DOCK4: variants seen among roughly 807,000 people sequenced by gnomAD.
DOCK4 encodes the protein dedicator of cytokinesis 4.
In DOCK4, 97 loss-of-function variants were observed where a neutral mutation model predicts 268.1. The ratio of observed to expected loss-of-function variants is 0.36; its 90% CI spans 0.31 to 0.43. The LOEUF is 0.43. Ranked by LOEUF, DOCK4 falls within the 20% of genes least tolerant of loss-of-function variation. The pLI is 1.00. For missense variants in DOCK4, 2,145 were observed against 2,455.7 expected (o/e 0.87, Z 2.67); for synonymous variants, 954 against 887.2 (o/e 1.08, Z -1.34).
At chr7:111,876,364 G>A (rs768180971) in intron 17 of DOCK4, among the ~76,000 whole-genome samples, 3 of 152,050 alleles carry the variant, frequency 2.0e-5, no homozygotes, top group African/African-American at 7.2e-5. Flanking sequence ...AAGAAAGAAC[G>A]AATAACAAGC....
chr7:111,736,219 G>A (rs769267470), intron 50 of DOCK4, among the ~76,000 whole-genome samples: 12 of 152,096 alleles, frequency 7.9e-5, no homozygotes, highest in Non-Finnish European at 1.2e-4. Context: ...TTTCATTAAC[G>A]ACTCTTGATT....
At chr7:111,972,328 C>T (rs1387308972) in intron 8 of DOCK4, among the ~76,000 whole-genome samples, 1 of 151,508 alleles carries the variant, frequency 6.6e-6, no homozygotes, top group Non-Finnish European at 1.5e-5. Context: ...CTCTACTCTG[C>T]CTTTTGCCAC....
chr7:111,814,543 G>A (rs1234520381), intron 27 of DOCK4, among the ~76,000 whole-genome samples: 1 of 152,178 alleles, frequency 6.6e-6, no homozygotes, highest in Non-Finnish European at 1.5e-5. Context: ...TTAAAGTGCA[G>A]ATGATCCAGC....
intron 1 of DOCK4, among the ~76,000 whole-genome samples, chr7:112,080,176 G>A (rs1043388779): frequency 5.3e-5 from 8 of 152,014 alleles, no homozygotes; most frequent in Non-Finnish European, 1.2e-4. Context: ...TAAAAGGAGG[G>A]TTGCCAGACA....
chr7:112,020,183 G>C (rs1270545727), intron 1 of DOCK4, among the ~76,000 whole-genome samples: 1 of 152,202 alleles, frequency 6.6e-6, no homozygotes, highest in African/African-American at 2.4e-5. Context: ...GATGAGTTAA[G>C]AGCTAATATT....
intron 1 of DOCK4, among the ~76,000 whole-genome samples, chr7:112,029,634 G>A (rs1382485469): frequency 2.0e-5 from 3 of 152,162 alleles, no homozygotes; most frequent in Non-Finnish European, 4.4e-5. Flanking sequence ...AATCTAAAAT[G>A]TCAGCCAGCA....
intron 1 of DOCK4, among the ~76,000 whole-genome samples, chr7:112,103,319 A>C (rs1810854276): frequency 6.6e-6 from 1 of 152,206 alleles, no homozygotes; most frequent in Non-Finnish European, 1.5e-5. Flanking sequence ...GACAGTAGCC[A>C]TGGAAGTACT....
At chr7:112,071,682 T>C (rs1807596228) in intron 1 of DOCK4, among the ~76,000 whole-genome samples, 1 of 152,236 alleles carries the variant, frequency 6.6e-6, no homozygotes, top group South Asian at 2.1e-4. Context: ...CTTTAAAATA[T>C]TTTCTAACCT....
In DOCK4 at chr7:111,732,296, G is replaced by A. The variant is rs1438377432; in HGVS notation, c.5420-9C>T. 14 of 1,613,648 alleles carry A rather than the reference G, an allele frequency of 8.7e-6. No individual in the cohort carries two copies. Among genetic ancestry groups the A allele is most frequent in the Non-Finnish European group, 1.1e-5 (13 of 1,179,726 alleles). ...GTGTCTTGCTGGTGAAGCTGTCAAT[G>A]GGGAGAGAGATAACATTTCAATTAA... On this transcript the variant is annotated splice_polypyrimidine_tract_variant and intron_variant, in intron 51 of 52. Coordinates refer to ENST00000428084, the MANE Select transcript of DOCK4 (RefSeq NM_001363540.2).
chr7:112,139,557 T>C lies in DOCK4; in HGVS notation c.37+66545A>G, dbSNP rs146020690. ...GAAGATGGGATTTCATTTTAGCTAATCTAAAATGAGAGGGAACAGGGAAAG... is the reference window on the plus strand; with the variant it reads ...GAAGATGGGATTTCATTTTAGCTAACCTAAAATGAGAGGGAACAGGGAAAG... On this transcript the variant is annotated intron_variant, in intron 1 of 52. Coordinates refer to ENST00000428084, the MANE Select transcript of DOCK4 (RefSeq NM_001363540.2). Among the ~76,000 whole-genome samples, 675 of 152,270 alleles carry C rather than the reference T, an allele frequency of 4.4e-3. 10 individuals carry two copies. The highest frequency in any genetic ancestry group is 0.015 in the African/African-American group (629 of 41,548).
intron 6 of DOCK4, among the ~76,000 whole-genome samples, chr7:111,987,609 C>T (rs1473274692): frequency 1.3e-5 from 2 of 152,140 alleles, no homozygotes; most frequent in African/African-American, 2.4e-5. Flanking sequence ...ATAGGAAGTT[C>T]CCTGTAAATG....
intron 42 of DOCK4, among the ~76,000 whole-genome samples, chr7:111,751,819 C>A (rs1796674988): frequency 6.6e-6 from 1 of 152,082 alleles, no homozygotes; most frequent in African/African-American, 2.4e-5. Context: ...GTGGTATGAT[C>A]ATAGTTCACT....
chr7:111,793,713 A>G (rs1259232097), intron 30 of DOCK4, among the ~76,000 whole-genome samples: 1 of 152,158 alleles, frequency 6.6e-6, no homozygotes, highest in Non-Finnish European at 1.5e-5. Context: ...CTATAAATCT[A>G]GTATCAAGAA....
rs2133563261 is a variant in DOCK4 at position 111,757,084 on chromosome 7, T to G, written c.4330-1483A>C. On this transcript the variant is annotated intron_variant, in intron 41 of 52. Coordinates refer to ENST00000428084, the MANE Select transcript of DOCK4 (RefSeq NM_001363540.2). ...AGGAGGAGCGGCTTGCGAAAGGGCT[T>G]GGCGGGAGAGGAAGAGAGAAGCTGA... is the stretch of plus-strand genomic sequence containing the variant. 2.0e-5 allele frequency among the ~76,000 whole-genome samples: 3 copies of G among 151,662 alleles called. No individual in the cohort carries two copies. In the South Asian group the frequency reaches 6.3e-4, roughly 32 times the overall value.
At chr7:112,154,197 C>A (rs542288912) in intron 1 of DOCK4, among the ~76,000 whole-genome samples, 1 of 152,084 alleles carries the variant, frequency 6.6e-6, no homozygotes, top group East Asian at 1.9e-4. Flanking sequence ...GTCTCAAACT[C>A]CTGGGCTCAA....
intron 1 of DOCK4, among the ~76,000 whole-genome samples, chr7:112,045,516 A>C (rs540830987): frequency 2.0e-5 from 3 of 152,238 alleles, no homozygotes; most frequent in Non-Finnish European, 2.9e-5. Flanking sequence ...GATTCTCAGT[A>C]AATATTTGTA....
At chr7:112,176,997 A>G (rs531299406) in intron 1 of DOCK4, among the ~76,000 whole-genome samples, 5 of 152,288 alleles carry the variant, frequency 3.3e-5, no homozygotes, top group African/African-American at 1.2e-4. Flanking sequence ...AATGAGGTAG[A>G]ATGAGGGAAG....
chr7:111,736,883 C>G lies in DOCK4; in HGVS notation c.5305+34G>C, dbSNP rs745783701. ...AACATGAGGATAAAACAAGCCCTTACACATTCCAGGACTGACCATGGGGCT... is the reference window on the plus strand; with the variant it reads ...AACATGAGGATAAAACAAGCCCTTAGACATTCCAGGACTGACCATGGGGCT... On this transcript the variant is annotated intron_variant, in intron 50 of 52. Transcript: ENST00000428084. The G allele has an allele frequency of 3.8e-6, 6 of 1,566,894 alleles. No individual in the cohort carries two copies. The South Asian group carries it at 7.0e-5, about 18-fold the overall frequency.
chr7:111,771,459 C>T (rs1369510988), intron 36 of DOCK4, among the ~76,000 whole-genome samples: 3 of 152,134 alleles, frequency 2.0e-5, no homozygotes, highest in Non-Finnish European at 2.9e-5. Flanking sequence ...TGGGATTGAA[C>T]GTGAGATGGA....
Sources: allele counts gnomAD v4.1 joint callset (sites outside exome capture counted in the v4.1 genomes callset), GRCh38; gene constraint gnomAD v4.1.1; transcripts MANE v1.5; gene names NCBI Gene and HGNC (gene_info 2026-07-23, HGNC 2026-07-21).